Variants in CDH20 observed in about 807,000 individuals in gnomAD.
CDH20 encodes the protein cadherin 20.
Under a neutral mutation model 74.2 loss-of-function variants are expected in CDH20, and 29 were observed. That is an observed-to-expected ratio of 0.39 (90% CI 0.29 to 0.53). CDH20 has a LOEUF of 0.53. CDH20 is among the 20% of genes least tolerant of loss of function. The probability of loss-of-function intolerance (pLI) is 0.69; values close to 1 mark genes in which losing one functional copy is unlikely to be tolerated. For synonymous variants in CDH20, 469 were observed against 405.4 expected (o/e 1.16, Z -1.88); for missense variants, 988 against 1,048.3 (o/e 0.94, Z 0.79).
chr18:61,495,007 C>G (rs1388360497), intron 2 of CDH20, among the ~76,000 whole-genome samples: 2 of 152,178 alleles, frequency 1.3e-5, no homozygotes. Flanking sequence ...CTCACTACTC[C>G]CTTGGCTGAA....
intron 1 of CDH20, among the ~76,000 whole-genome samples, chr18:61,456,181 T>C (rs866195341): frequency 1.3e-5 from 2 of 152,354 alleles, no homozygotes; most frequent in Non-Finnish European, 1.5e-5. Context: ...TAGGTGGGTA[T>C]AGAAACCAAG....
At chr18:61,509,956 C>T (rs186504931) in intron 6 of CDH20, among the ~76,000 whole-genome samples, 8 of 152,244 alleles carry the variant, frequency 5.3e-5, no homozygotes, top group Non-Finnish European at 8.8e-5. Flanking sequence ...TTAACTGAGA[C>T]AGGGAAGTCT....
chr18:61,522,470 C>T (rs140456455), intron 6 of CDH20, among the ~76,000 whole-genome samples: 8,130 of 152,198 alleles, frequency 0.053, 273 homozygotes, highest in Middle Eastern at 0.11. Context: ...CACGCAATAT[C>T]GTGAAAATGG....
chr18:61,370,120 G>A (rs946568577), intron 1 of CDH20, among the ~76,000 whole-genome samples: 7 of 152,106 alleles, frequency 4.6e-5, no homozygotes, highest in African/African-American at 7.2e-5. Flanking sequence ...TCCTTTAATT[G>A]TGACTAAAAA....
At chr18:61,369,275 G>A (rs1179146100) in intron 1 of CDH20, among the ~76,000 whole-genome samples, 2 of 152,116 alleles carry the variant, frequency 1.3e-5, no homozygotes, top group African/African-American at 4.8e-5. Flanking sequence ...TATAAAGTCA[G>A]GTTTGTCTGA....
rs1290320331 is a variant in CDH20, at chr18:61,550,276, A to G, written c.1900+47A>G. 2.5e-6 allele frequency: 4 copies of G among 1,584,376 alleles called. No homozygotes were observed. The East Asian group carries it at 9.0e-5, about 36-fold the overall frequency. The stretch of plus-strand genomic sequence containing the variant: ...CTTCTGTGGAGTCCTGCCAGTGCGC[A>G]CTCAGACATTTGTTCATTACCTTCC... On this transcript the variant is annotated intron_variant, in intron 11 of 11. Coordinates refer to ENST00000262717, the MANE Select transcript of CDH20 (RefSeq NM_031891.4).
At chr18:61,511,010 A>G (rs371694954) in intron 6 of CDH20, among the ~76,000 whole-genome samples, 2 of 140,490 alleles carry the variant, frequency 1.4e-5, no homozygotes, top group East Asian at 4.2e-4. Flanking sequence ...TTGTTTGAAC[A>G]GAGTCTCACT....
chr18:61,486,522 G>C (rs1910767955), intron 1 of CDH20, among the ~76,000 whole-genome samples: 1 of 152,180 alleles, frequency 6.6e-6, no homozygotes, highest in Admixed American at 6.5e-5. Context: ...AGAGAAACTT[G>C]ATTGGGAGGT....
At chr18:61,461,276 G>T (rs2144358525) in intron 1 of CDH20, among the ~76,000 whole-genome samples, 1 of 150,210 alleles carries the variant, frequency 6.7e-6, no homozygotes, top group South Asian at 2.1e-4. Context: ...AATTATTCAT[G>T]GTGTATTAGT....
At chr18:61,457,191 T>A (rs1480752273) in intron 1 of CDH20, among the ~76,000 whole-genome samples, 1 of 152,118 alleles carries the variant, frequency 6.6e-6, no homozygotes, top group Admixed American at 6.5e-5. Flanking sequence ...ATCTCTGATT[T>A]CTCACTCATT....
rs1555683354 is a variant in CDH20 at position 61,527,373 on chromosome 18, A to AGTTAGATAGATAGATAGAT, written c.1018-593_1018-592insTTAGATAGATAGATAGATG. Among the ~76,000 whole-genome samples the AGTTAGATAGATAGATAGAT allele has an allele frequency of 1.2e-4, 15 of 124,032 alleles. 1 individual carries two copies. The East Asian group carries it at 3.1e-3, about 26-fold the overall frequency. The allele number at this position is 124,032 out of a possible 152,430, so 81.4% of individuals were successfully genotyped here. A position where few individuals can be genotyped will look rare whatever the true frequency, so the allele number is the denominator to read the frequency against. ...CAGTTGCATGAATATTCTAATAGAT[A>AGTTAGATAGATAGATAGAT]GATAGATAGATAGATAGATAGATAG... On this transcript the variant is annotated intron_variant, in intron 6 of 11. Coordinates refer to ENST00000262717, the MANE Select transcript of CDH20 (RefSeq NM_031891.4).
chr18:61,412,976 A>C (rs1026549555), intron 1 of CDH20, among the ~76,000 whole-genome samples: 3 of 152,188 alleles, frequency 2.0e-5, no homozygotes, highest in Non-Finnish European at 4.4e-5. Context: ...CAATAGTCAC[A>C]ATTAACTTTT....
intron 6 of CDH20, among the ~76,000 whole-genome samples, chr18:61,512,985 T>G (rs201459851): frequency 0.11 from 15,986 of 152,076 alleles, 1,007 homozygotes; most frequent in East Asian, 0.18. Context: ...TTCTGTTGAT[T>G]TGGGGTGGAG....
At position 61,436,417 on chromosome 18, in the gene CDH20, T is replaced by C. The variant is rs571975261; in HGVS notation, c.-152-53985T>C. Among the ~76,000 whole-genome samples, 6 of 152,276 alleles carry C rather than the reference T, an allele frequency of 3.9e-5. No homozygotes were observed. The South Asian group carries it at 1.2e-3, about 32-fold the overall frequency. On this transcript the variant is annotated intron_variant, in intron 1 of 11. Transcript: ENST00000262717. Reference sequence around the variant, plus strand: ...ACTTCTCCACATCCTCACCAACACTTGTTATTATCAGTCTTTTTATTCTAG... The same window carrying C: ...ACTTCTCCACATCCTCACCAACACTCGTTATTATCAGTCTTTTTATTCTAG...
intron 6 of CDH20, among the ~76,000 whole-genome samples, chr18:61,511,502 G>A (rs1219375682): frequency 1.3e-5 from 2 of 152,128 alleles, no homozygotes; most frequent in African/African-American, 2.4e-5. Flanking sequence ...TCTTTAGTAC[G>A]AAAACTCTAT....
At chr18:61,549,019 C>T (rs1913343572) in intron 10 of CDH20, among the ~76,000 whole-genome samples, 1 of 152,174 alleles carries the variant, frequency 6.6e-6, no homozygotes, top group Non-Finnish European at 1.5e-5. Context: ...TCCATGGGAC[C>T]TCTGTGTTGG....
chr18:61,338,566 T>C lies in CDH20; in HGVS notation c.-153+4739T>C, dbSNP rs189581019. 5.7e-3 allele frequency among the ~76,000 whole-genome samples: 873 copies of C among 152,302 alleles called. 19 individuals carry two copies. Among genetic ancestry groups the C allele is most frequent in the Non-Finnish European group, 4.3e-3 (292 of 68,024 alleles). ...ATCATAAAAGAGAGGTTATCTGGCC[T>C]ACAAATATGTCATTGAATAACCACT... On this transcript the variant is annotated intron_variant, in intron 1 of 11. Transcript: ENST00000262717.
intron 2 of CDH20, among the ~76,000 whole-genome samples, chr18:61,497,426 C>T (rs1257119418): frequency 1.3e-5 from 2 of 152,166 alleles, no homozygotes; most frequent in Non-Finnish European, 2.9e-5. Flanking sequence ...CTCAGAGTAA[C>T]ACTGTCTCAG....
intron 1 of CDH20, among the ~76,000 whole-genome samples, chr18:61,474,763 T>C (rs749743814): frequency 3.9e-5 from 6 of 151,998 alleles, no homozygotes; most frequent in Admixed American, 6.6e-5. Context: ...AAAGCAACCA[T>C]GTGGGCTGTG....
Sources: allele counts gnomAD v4.1 joint callset (sites outside exome capture counted in the v4.1 genomes callset), GRCh38; gene constraint gnomAD v4.1.1; transcripts MANE v1.5; gene names NCBI Gene and HGNC (gene_info 2026-07-23, HGNC 2026-07-21).